Variants in DNAH5 observed in about 807,000 individuals in gnomAD.
The protein encoded by DNAH5 is axonemal beta dynein heavy chain 5.
A neutral mutation model predicts 518.2 loss-of-function variants in DNAH5; 372 were observed. That is an observed-to-expected ratio of 0.72 (90% CI 0.66 to 0.78). The LOEUF is 0.78. Ranked by LOEUF, DNAH5 falls within the 30% of genes least tolerant of loss-of-function variation. The pLI is 0.00. For synonymous variants in DNAH5, 2,039 were observed against 2,025.9 expected, an observed-to-expected ratio of 1.01 and a Z score of -0.17; for missense variants, 5,523 against 5,687.0, an observed-to-expected ratio of 0.97 and a Z score of 0.93.
rs1447168941 is a variant in DNAH5, at chr5:13,902,728, T to C, written c.1645-590A>G. On this transcript the variant is annotated intron_variant, in intron 12 of 78. Transcript: ENST00000265104. ...TTGCTGACCCCTGCCCTAGAGGAAC[T>C]GAAATCCCACATCGGTGCCACACCT... is the stretch of plus-strand genomic sequence containing the variant. Among the ~76,000 whole-genome samples the C allele has an allele frequency of 4.6e-5, 7 of 152,280 alleles. No individual in the cohort carries two copies. The South Asian group carries it at 6.2e-4, about 14-fold the overall frequency.
chr5:13,720,925 A>T, intron 71 of DNAH5, 75 bp downstream of exon 71: 12 of 1,599,972 alleles, frequency 7.5e-6, no homozygotes, highest in Non-Finnish European at 4.3e-6. Flanking sequence ...AATGATTTAT[A>T]TTTTTCTTCT....
At chr5:13,726,286 A>G (rs1009314102) in intron 70 of DNAH5, among the ~76,000 whole-genome samples, 1 of 152,250 alleles carries the variant, frequency 6.6e-6, no homozygotes, top group Non-Finnish European at 1.5e-5. Context: ...CAGATACTGC[A>G]GGACTTGAAA....
chr5:13,865,622 C>A (rs577809290), intron 27 of DNAH5, 46 bp downstream of exon 27: 8 of 1,166,292 alleles, frequency 6.9e-6, no homozygotes, highest in Non-Finnish European at 1.0e-5. Flanking sequence ...AAGAGGAAAG[C>A]ATTTGAAGTT....
rs79452629 is a variant in DNAH5 at position 13,979,023 on chromosome 5, C to T, written c.12+32625G>A. ...CTCTGAGTAAAAGCCAACATCTCCA[C>T]GAAGGCCTCGAGAACCCCACCCCAT... On this transcript the variant is annotated intron_variant, in intron 1 of 78. Transcript: ENST00000681290. Among the ~76,000 whole-genome samples, 539 of 152,186 alleles carry T rather than the reference C, an allele frequency of 3.5e-3. 2 individuals carry two copies. The highest frequency in any genetic ancestry group is 0.012 in the African/African-American group (516 of 41,514).
intron 8 of DNAH5, among the ~76,000 whole-genome samples, chr5:13,916,683 T>C (rs773336120): frequency 2.8e-4 from 43 of 152,074 alleles, no homozygotes; most frequent in Admixed American, 2.8e-3. Context: ...CCACTGTTAA[T>C]GACAAGCAAC....
intron 1 of DNAH5, among the ~76,000 whole-genome samples, chr5:13,959,475 C>T (rs184090965): frequency 6.6e-6 from 1 of 152,334 alleles, no homozygotes; most frequent in African/African-American, 2.4e-5. Flanking sequence ...CAAGTCAGAA[C>T]CAGGCTTCAC....
chr5:13,906,366 G>C (rs891036252), intron 12 of DNAH5, among the ~76,000 whole-genome samples: 2 of 151,992 alleles, frequency 1.3e-5, no homozygotes, highest in Non-Finnish European at 2.9e-5. Flanking sequence ...AGAGTAGGGG[G>C]AATATAGTAA....
At position 13,914,877 on chromosome 5, in the gene DNAH5, T is replaced by C. The variant is rs539820713; in HGVS notation, c.1198-235A>G. On this transcript the variant is annotated intron_variant, in intron 9 of 78. Transcript: ENST00000265104. ...TGGAAAATCGACAATTTAGGCCACC[T>C]TGTCTATGCAGGATGAATGTCTTAA... is the stretch of plus-strand genomic sequence containing the variant. Among the ~76,000 whole-genome samples, 49 of 152,222 alleles carry C rather than the reference T, an allele frequency of 3.2e-4. No homozygotes were observed. In the East Asian group the frequency reaches 7.9e-3, roughly 25 times the overall value.
intron 1 of DNAH5, among the ~76,000 whole-genome samples, chr5:13,955,178 G>A (rs989457902): frequency 1.3e-5 from 2 of 152,062 alleles, no homozygotes; most frequent in African/African-American, 4.8e-5. Context: ...CACAAGAACT[G>A]GTTGTTTAAA....
intron 50 of DNAH5, among the ~76,000 whole-genome samples, chr5:13,789,278 T>C (rs914843620): frequency 6.6e-6 from 1 of 152,118 alleles, no homozygotes; most frequent in African/African-American, 2.4e-5. Flanking sequence ...AGATACAGAA[T>C]ATGAACAACT....
chr5:13,786,141 T>C (rs1477709723), intron 52 of DNAH5, 38 bp downstream of exon 52: 3 of 1,609,568 alleles, frequency 1.9e-6, no homozygotes, highest in South Asian at 1.1e-5. Flanking sequence ...CAAATGTCTG[T>C]CACCTCCACA....
chr5:13,778,596 A>AAGAAAGAAAGAAAGAGAGAGAAAGAAAG (rs768853052), intron 53 of DNAH5, among the ~76,000 whole-genome samples: 1 of 102,152 alleles, frequency 9.8e-6, no homozygotes, highest in African/African-American at 3.7e-5. Flanking sequence ...GAAAGAAAGA[A>AAGAAAGAAAGAAAGAGAGAGAAAGAAAG]AGAGAGAGAG....
At chr5:13,831,074 G>T (rs1763615967) in intron 35 of DNAH5, among the ~76,000 whole-genome samples, 1 of 152,050 alleles carries the variant, frequency 6.6e-6, no homozygotes, top group Non-Finnish European at 1.5e-5. Context: ...AGAATCTCCA[G>T]GTATAAAAAT....
At chr5:13,795,209 A>G (rs1024791625) in intron 47 of DNAH5, among the ~76,000 whole-genome samples, 8 of 152,168 alleles carry the variant, frequency 5.3e-5, no homozygotes, top group African/African-American at 1.9e-4. Flanking sequence ...TCAGAGCACA[A>G]CTGAAAGAGA....
chr5:13,735,197 G>A lies in DNAH5; in HGVS notation c.11695C>T (p.Leu3899Phe). The change falls in exon 68 of 79, where the codon CTT (leucine) becomes TTT (phenylalanine). Residue 3899 changes from leucine (L) to phenylalanine (F), a missense_variant. Leu to Phe is a conservative substitution (Grantham distance 22). Around this residue, in one of 3 missense-constraint regions of DNAH5, gnomAD observed 5,121 missense variants for 5,223.3 expected, o/e 0.98. Transcript: ENST00000265104. ...CTCTGGATGTCAATCTTTAGGGTAA[G>A]CAACAAGGTGAACAGGAATTTGTGC... ...EEHKFLFTLL[L>F]TLKIDIQRNR... The A allele has an allele frequency of 1.2e-6, 2 of 1,614,090 alleles. No homozygotes were observed. The highest frequency in any genetic ancestry group is 1.7e-6 in the Non-Finnish European group (2 of 1,179,996).
chr5:13,820,631 A>T (rs993985548), intron 40 of DNAH5, 132 bp from the exon 41 acceptor site: 13 of 1,019,934 alleles, frequency 1.3e-5, no homozygotes, highest in African/African-American at 1.1e-4. Flanking sequence ...AAGACCAGCC[A>T]GGCCAACATG....
intron 1 of DNAH5, among the ~76,000 whole-genome samples, chr5:14,002,654 A>G (rs77680592): frequency 0.026 from 3,949 of 151,154 alleles, 128 homozygotes; most frequent in East Asian, 0.19. Flanking sequence ...CACACACAGT[A>G]GCTTAAAAAA....
intron 2 of DNAH5, among the ~76,000 whole-genome samples, chr5:13,930,256 C>T (rs2152007282): frequency 6.6e-6 from 1 of 152,246 alleles, no homozygotes; most frequent in African/African-American, 2.4e-5. Context: ...TGGATCATAA[C>T]TCTTTACAAC....
intron 68 of DNAH5, among the ~76,000 whole-genome samples, chr5:13,734,856 T>C (rs993153253): frequency 6.6e-6 from 1 of 152,208 alleles, no homozygotes; most frequent in Non-Finnish European, 1.5e-5. Context: ...TCATTTATTA[T>C]TTTATTTTTT....
Sources: gnomAD v4.1 joint callset for allele counts (sites outside exome capture counted in the v4.1 genomes callset) on GRCh38, gnomAD v4.1.1 for gene constraint, gnomAD v4.1.1 regional missense constraint, MANE v1.5 for transcripts, NCBI Gene and HGNC (gene_info 2026-07-23, HGNC 2026-07-21) for gene names.